The following ME1 variants were observed in gnomAD, a reference collection of about 807,000 sequenced individuals.
The protein encoded by ME1 is malic enzyme 1, also known as NADP-dependent malic enzyme.
ME1 carries 74 observed loss-of-function variants against 66.4 expected under a neutral mutation model. The observed-to-expected ratio is 1.11, with a 90% confidence interval of 0.92 to 1.35. ME1 has a LOEUF of 1.35. Among genes scored for constraint, ME1 ranks in the 40% most tolerant of loss-of-function variants. The pLI is 0.00. For synonymous variants in ME1, 251 were observed against 235.6 expected (o/e 1.07, Z -0.60); for missense variants, 750 against 694.1 (o/e 1.08, Z -0.90).
At chr6:83,233,062 T>C (rs1790333976) in intron 9 of ME1, among the ~76,000 whole-genome samples, 1 of 152,118 alleles carries the variant, frequency 6.6e-6, no homozygotes, top group Non-Finnish European at 1.5e-5. Context: ...TTTCGTTTAT[T>C]AGTGAGAGCG....
chr6:83,317,477 G>T (rs1448916465), intron 5 of ME1, among the ~76,000 whole-genome samples: 1 of 151,650 alleles, frequency 6.6e-6, no homozygotes, highest in Non-Finnish European at 1.5e-5. Flanking sequence ...TCTGTTGTTG[G>T]TGTATAGGAA....
At chr6:83,309,061 G>A (rs1272356142) in intron 6 of ME1, among the ~76,000 whole-genome samples, 2 of 152,104 alleles carry the variant, frequency 1.3e-5, no homozygotes, top group African/African-American at 4.8e-5. Context: ...GAAACTAGGA[G>A]GAGATAATGT....
intron 6 of ME1, among the ~76,000 whole-genome samples, chr6:83,297,125 G>C (rs1407370717): frequency 2.6e-5 from 4 of 151,880 alleles, no homozygotes; most frequent in African/African-American, 9.7e-5. Context: ...GCTACCCAAG[G>C]GATGTAAAAG....
rs182849486 is a variant in ME1 at position 83,402,620 on chromosome 6, G to C, written c.213-4104C>G. On this transcript the variant is annotated intron_variant, in intron 2 of 13. Coordinates refer to ENST00000369705, the MANE Select transcript of ME1 (RefSeq NM_002395.6). ...AACTGTTACACTACAGTGGAGGCGG[G>C]AAAGAGTATGTCTGAAATACAGGAG... Among the ~76,000 whole-genome samples, 4 of 152,292 alleles carry C rather than the reference G, an allele frequency of 2.6e-5. No homozygotes were observed. The East Asian group carries it at 7.7e-4, about 29-fold the overall frequency.
At chr6:83,268,947 A>G (rs1395463803) in intron 6 of ME1, among the ~76,000 whole-genome samples, 1 of 152,064 alleles carries the variant, frequency 6.6e-6, no homozygotes, top group Non-Finnish European at 1.5e-5. Context: ...CTGGCACATA[A>G]TAAGGATTCA....
At chr6:83,269,665 G>T (rs1312915947) in intron 6 of ME1, among the ~76,000 whole-genome samples, 1 of 151,994 alleles carries the variant, frequency 6.6e-6, no homozygotes, top group Non-Finnish European at 1.5e-5. Context: ...AATGAATCTA[G>T]CTATAAAAAG....
chr6:83,323,431 T>C (rs554976478), intron 5 of ME1, among the ~76,000 whole-genome samples: 2 of 151,372 alleles, frequency 1.3e-5, no homozygotes, highest in African/African-American at 4.9e-5. Context: ...AAGACACACA[T>C]AGGCTCAAAA....
Position 83,275,025 on chromosome 6 carries a change from C to G in ME1, c.705-21287G>C, listed in dbSNP as rs187537069. On this transcript the variant is annotated intron_variant, in intron 6 of 13. Coordinates refer to ENST00000369705, the MANE Select transcript of ME1 (RefSeq NM_002395.6). Reference sequence around the variant, plus strand: ...TGACTAGAAGATTTTAAAATGGTAACAGCAATGTTAAGATAGGACAAAAAC... The same window carrying G: ...TGACTAGAAGATTTTAAAATGGTAAGAGCAATGTTAAGATAGGACAAAAAC... Among the ~76,000 whole-genome samples the G allele has an allele frequency of 1.1e-3, 170 of 152,216 alleles. 2 individuals carry two copies. The highest frequency in any genetic ancestry group is 0.011 in the Admixed American group (165 of 15,294).
In ME1 at chr6:83,211,666, C is replaced by T. The variant is rs973764800; in HGVS notation, c.*258G>A. On this transcript the variant is annotated 3_prime_UTR_variant, in exon 14 of 14. Transcript: ENST00000369705. The stretch of plus-strand genomic sequence containing the variant: ...AAAAATGATGAGTTTCTCCGTAGTA[C>T]GTACAACAGCTTTTAAAGAGAACGT... 4 of 254,878 alleles carry T rather than the reference C, an allele frequency of 1.6e-5. No individual in the cohort carries two copies. Among genetic ancestry groups the T allele is most frequent in the Non-Finnish European group, 2.9e-5 (4 of 136,316 alleles). 15.8% of individuals were successfully genotyped at this position (254,878 alleles called of 1,614,324 possible).
chr6:83,284,480 T>C (rs919130702), intron 6 of ME1, among the ~76,000 whole-genome samples: 1 of 151,994 alleles, frequency 6.6e-6, no homozygotes, highest in African/African-American at 2.4e-5. Flanking sequence ...GATAAGCACA[T>C]ATGCAAAAAT....
intron 1 of ME1, among the ~76,000 whole-genome samples, chr6:83,428,831 A>C (rs1311363758): frequency 6.6e-6 from 1 of 152,216 alleles, no homozygotes; most frequent in Non-Finnish European, 1.5e-5. Flanking sequence ...AAGTATTACA[A>C]ATTTGAAAAT....
At chr6:83,277,046 G>C (rs1172725992) in intron 6 of ME1, among the ~76,000 whole-genome samples, 1 of 152,192 alleles carries the variant, frequency 6.6e-6, no homozygotes, top group Non-Finnish European at 1.5e-5. Flanking sequence ...CATCTGTATT[G>C]AAGTAAACTG....
In ME1 at chr6:83,346,188, C is replaced by T. The variant is rs1383485487; in HGVS notation, c.585G>A (p.Val195=). Residue 195 remains valine (V), a synonymous_variant, in exon 5 of 14, where the codon GTG becomes GTA. Transcript: ENST00000369705. ...AATTATTTACCTCATTTTCGGTTCC[C>T]ACATCCAGAATGACAGGCAGACATT... The part of the protein sequence containing the change: ...PQECLPVILD[V]GTENEELLKD... 9 of 1,607,360 alleles carry T rather than the reference C, an allele frequency of 5.6e-6. No homozygotes were observed. Among genetic ancestry groups the T allele is most frequent in the Non-Finnish European group, 6.8e-6 (8 of 1,176,312 alleles).
chr6:83,224,178 G>A lies in ME1; in HGVS notation c.1276-245C>T, dbSNP rs567004594. On this transcript the variant is annotated intron_variant, in intron 11 of 13. Transcript: ENST00000369705. ...AGGAGGAGCATGCAAAGTACAGGAT[G>A]CCCTAAGACCATCACTCTATTCTCT... 1.4e-3 allele frequency among the ~76,000 whole-genome samples: 208 copies of A among 152,238 alleles called. 1 individual carries two copies. Among genetic ancestry groups the A allele is most frequent in the Non-Finnish European group, 2.5e-3 (169 of 68,014 alleles).
At chr6:83,291,216 G>T (rs1767496594) in intron 6 of ME1, among the ~76,000 whole-genome samples, 1 of 152,164 alleles carries the variant, frequency 6.6e-6, no homozygotes, top group African/African-American at 2.4e-5. Flanking sequence ...TCTTAGCATT[G>T]ATGGTCTTTA....
intron 3 of ME1, among the ~76,000 whole-genome samples, chr6:83,376,215 A>G (rs1769285528): frequency 1.3e-5 from 2 of 152,210 alleles, no homozygotes; most frequent in African/African-American, 4.8e-5. Context: ...ATTTAAAAAA[A>G]GAGGCCAGGG....
intron 9 of ME1, among the ~76,000 whole-genome samples, chr6:83,235,966 A>G (rs1790394926): frequency 6.6e-6 from 1 of 152,134 alleles, no homozygotes; most frequent in Admixed American, 6.5e-5. Flanking sequence ...TATAAAAAAG[A>G]CATTAGAAAT....
chr6:83,389,070 G>A (rs1249419467), intron 3 of ME1, among the ~76,000 whole-genome samples: 1 of 152,098 alleles, frequency 6.6e-6, no homozygotes, highest in African/African-American at 2.4e-5. Context: ...AGTGAGCAGA[G>A]ATTATGCCAC....
intron 1 of ME1, among the ~76,000 whole-genome samples, chr6:83,424,358 T>C (rs1248895532): frequency 1.3e-5 from 2 of 151,924 alleles, no homozygotes; most frequent in Non-Finnish European, 2.9e-5. Flanking sequence ...CAAAGAAATA[T>C]TGTCAAAAAC....
Sources: gnomAD v4.1 joint callset for allele counts (sites outside exome capture counted in the v4.1 genomes callset) on GRCh38, gnomAD v4.1.1 for gene constraint, MANE v1.5 for transcripts, NCBI Gene and HGNC (gene_info 2026-07-23, HGNC 2026-07-21) for gene names.